Variants in OVCH1 observed in about 807,000 individuals in gnomAD.
OVCH1 encodes the protein ovochymase 1.
In OVCH1, 139 loss-of-function variants were observed where a neutral mutation model predicts 138.4. The observed-to-expected ratio is 1.00, with a 90% CI of 0.87 to 1.16. OVCH1 has a LOEUF of 1.16. OVCH1 is among the 50% of genes most tolerant of loss of function. The probability of loss-of-function intolerance (pLI) is 0.00; values close to 1 mark genes in which losing one functional copy is unlikely to be tolerated. For synonymous variants in OVCH1, 453 were observed against 467.8 expected, an observed-to-expected ratio of 0.97 and a Z score of 0.41; for missense variants, 1,367 against 1,357.9, an observed-to-expected ratio of 1.01 and a Z score of -0.11.
intron 26 of OVCH1, among the ~76,000 whole-genome samples, chr12:29,435,220 G>A (rs961309588): frequency 2.0e-5 from 3 of 152,254 alleles, no homozygotes; most frequent in Non-Finnish European, 2.9e-5. Flanking sequence ...AGCCAGACCC[G>A]TGGCGTGAGC....
At chr12:29,451,524 G>A in exon 22 of OVCH1, 3 of 1,612,830 alleles carry the variant, frequency 1.9e-6, no homozygotes, top group Non-Finnish European at 2.5e-6. Context: ...CCGTGGTGTG[G>A]GAAAAAAGCC....
At position 29,433,776 on chromosome 12, in the gene OVCH1, TTC is replaced by T. The variant is rs748814442; in HGVS notation, c.3300_3301del (p.Lys1101GlufsTer9). 1.5e-5 allele frequency: 21 copies of T among 1,426,414 alleles called. No homozygotes were observed. Among genetic ancestry groups the T allele is most frequent in the South Asian group, 8.0e-5 (6 of 75,466 alleles). The allele number at this position is 1,426,414 out of a possible 1,614,324, so 88.4% of individuals were successfully genotyped here. ...ATAACTTAAATTTGATGCAAATTTC[TTC>T]TGTTTTCTTTTTCCAACACTTCTTA... On this transcript the variant is annotated frameshift_variant, in exon 27 of 28. Coordinates refer to ENST00000318184, the Ensembl canonical transcript of OVCH1. LOFTEE classifies it high-confidence loss of function.
downstream of OVCH1, among the ~76,000 whole-genome samples, chr12:29,424,731 C>T (rs77506230): frequency 0.071 from 10,879 of 152,204 alleles, 450 homozygotes; most frequent in African/African-American, 0.11. Context: ...CCATAATAAC[C>T]TGCCATATTA....
At position 29,459,668 on chromosome 12, in the gene OVCH1, G is replaced by A. The variant is rs575826921; in HGVS notation, c.2280+2186C>T. On this transcript the variant is annotated intron_variant, in intron 19 of 27. Transcript: ENST00000318184. ...TTTGTAACACAAATTATAAATGCTT[G>A]AAGTGATGTGTATACCCAATTTACC... is the stretch of plus-strand genomic sequence containing the variant. Among the ~76,000 whole-genome samples the A allele has an allele frequency of 7.7e-4, 114 of 148,726 alleles. 2 individuals are homozygous for A. The South Asian group carries it at 0.017, about 22-fold the overall frequency.
At chr12:29,442,570 T>C (rs1409748886) in intron 25 of OVCH1, among the ~76,000 whole-genome samples, 1 of 151,378 alleles carries the variant, frequency 6.6e-6, no homozygotes, top group Non-Finnish European at 1.5e-5. Flanking sequence ...CATGTATACA[T>C]ATGTAACTAA....
At chr12:29,461,379 A>C (rs1478356749) in intron 19 of OVCH1, among the ~76,000 whole-genome samples, 1 of 152,232 alleles carries the variant, frequency 6.6e-6, no homozygotes, top group East Asian at 1.9e-4. Context: ...GATCTTGCCA[A>C]TATCAAGCTT....
chr12:29,431,034 G>T, intron 27 of OVCH1: 2 of 356,448 alleles, frequency 5.6e-6, no homozygotes, highest in South Asian at 4.6e-5. Context: ...GAACATTCAG[G>T]GTCAATACAC....
exon 18 of OVCH1, chr12:29,464,571 G>C: frequency 6.2e-7 from 1 of 1,613,678 alleles, no homozygotes; most frequent in Non-Finnish European, 8.5e-7. Flanking sequence ...GCTCTGCGCT[G>C]TGTGGGAGAC....
At chr12:29,458,809 A>T (rs1451296391) in intron 19 of OVCH1, among the ~76,000 whole-genome samples, 1 of 152,176 alleles carries the variant, frequency 6.6e-6, no homozygotes, top group African/African-American at 2.4e-5. Context: ...TAATAATCTG[A>T]TTTTAAAAAT....
At chr12:29,461,331 C>CT (rs1276284593) in intron 19 of OVCH1, among the ~76,000 whole-genome samples, 1 of 152,206 alleles carries the variant, frequency 6.6e-6, no homozygotes, top group Non-Finnish European at 1.5e-5. Flanking sequence ...ATTCTACAAT[C>CT]TGTTTATTCA....
chr12:29,443,331 T>C, intron 25 of OVCH1, 30 bp downstream of exon 25: 1 of 1,600,090 alleles, frequency 6.2e-7, no homozygotes, highest in South Asian at 1.1e-5. Context: ...GAAAAATCAG[T>C]AGCATAGAGA....
chr12:29,475,016 AT>A, intron 14 of OVCH1, 44 bp downstream of exon 14: 4 of 1,546,428 alleles, frequency 2.6e-6, no homozygotes, highest in Non-Finnish European at 3.5e-6. Flanking sequence ...CCCTGTAACC[AT>A]TTGCATAAAC....
At chr12:29,409,018 C>A (rs143896469), downstream of OVCH1, among the ~76,000 whole-genome samples, 46,771 of 151,814 alleles carry the variant, frequency 0.31, 8,529 homozygotes, top group Middle Eastern at 0.52. Context: ...GATTCAACTT[C>A]TTCCTGGTTT....
intron 22 of OVCH1, among the ~76,000 whole-genome samples, chr12:29,450,390 A>G (rs887699025): frequency 3.3e-5 from 5 of 152,248 alleles, no homozygotes; most frequent in African/African-American, 1.2e-4. Context: ...GAAGACATTT[A>G]TGTGGCCAAC....
intron 3 of OVCH1, among the ~76,000 whole-genome samples, chr12:29,417,123 C>A (rs946786425): frequency 6.6e-6 from 1 of 152,062 alleles, no homozygotes; most frequent in Admixed American, 6.6e-5. Flanking sequence ...CTTGAAATAA[C>A]AAAATTCTAG....
intron 3 of OVCH1, among the ~76,000 whole-genome samples, chr12:29,421,669 A>G (rs1941106653): frequency 1.3e-5 from 2 of 152,162 alleles, no homozygotes; most frequent in Non-Finnish European, 2.9e-5. Context: ...ATATATAAAG[A>G]ACACATATAA....
At chr12:29,412,270 A>G (rs188603582), downstream of OVCH1, among the ~76,000 whole-genome samples, 951 of 152,196 alleles carry the variant, frequency 6.2e-3, 5 homozygotes, top group African/African-American at 0.022. Flanking sequence ...GAGTGAGGCA[A>G]TGCCTCACTC....
chr12:29,414,758 G>A (rs530215729), intron 3 of OVCH1, among the ~76,000 whole-genome samples: 2 of 151,896 alleles, frequency 1.3e-5, no homozygotes, highest in South Asian at 2.1e-4. Context: ...ATATATACAA[G>A]GATAGTCAAT....
At chr12:29,407,021 CGTT>C in the OVCH1 span, among the ~76,000 whole-genome samples, 1 of 151,890 alleles carries the variant, frequency 6.6e-6, no homozygotes, top group African/African-American at 2.4e-5. Context: ...GATGGTATCT[CGTT>C]GTGGTTTTGA....
Sources: gnomAD v4.1 joint callset for allele counts (sites outside exome capture counted in the v4.1 genomes callset) on GRCh38, gnomAD v4.1.1 for gene constraint, MANE v1.5 for transcripts, NCBI Gene and HGNC (gene_info 2026-07-23, HGNC 2026-07-21) for gene names.